Variants in GCLC observed in about 807,000 individuals in gnomAD.
GCLC encodes the protein glutamate--cysteine ligase catalytic subunit.
In GCLC, 30 loss-of-function variants were observed where a neutral mutation model predicts 81.5. The ratio of observed to expected loss-of-function variants is 0.37; its 90% CI spans 0.28 to 0.50. The LOEUF (loss-of-function observed/expected upper bound fraction) is 0.50. Ranked by LOEUF, GCLC falls within the 20% of genes least tolerant of loss-of-function variation. The pLI is 0.96. For synonymous variants in GCLC, 262 were observed against 273.3 expected (o/e 0.96, Z 0.41); for missense variants, 556 against 777.4 (o/e 0.72, Z 3.39).
rs988613715 is a variant in GCLC, at chr6:53,498,220, A to T, written c.*536T>A. ...AGTGATTATTCCAATTGCAAAAGAA[A>T]CATCATAGATAAGGTGCTAGAAACC... On this transcript the variant is annotated 3_prime_UTR_variant, in exon 16 of 16. Transcript: ENST00000650454. The T allele has an allele frequency of 1.9e-5, 3 of 154,752 alleles. No homozygotes were observed. Among genetic ancestry groups the T allele is most frequent in the Non-Finnish European group, 4.3e-5 (3 of 69,558 alleles). 9.6% of individuals were successfully genotyped at this position (154,752 alleles called of 1,614,324 possible).
chr6:53,498,159 T>A lies in GCLC; in HGVS notation c.*597A>T, dbSNP rs1297042763. ...AACAGCCATCAGAGTTCAATGGGTA[T>A]TTATTCAGAGGGGAAAGCTTGGGGC... On this transcript the variant is annotated 3_prime_UTR_variant, in exon 16 of 16. Transcript: ENST00000650454. The A allele has an allele frequency of 6.6e-6, 1 of 152,640 alleles. No homozygotes were observed. Among genetic ancestry groups the A allele is most frequent in the African/African-American group, 2.4e-5 (1 of 41,102 alleles). The allele number at this position is 152,640 out of a possible 1,614,324, so 9.5% of individuals were successfully genotyped here. A position where few individuals can be genotyped will look rare whatever the true frequency, so the allele number is the denominator to read the frequency against.
intron 3 of GCLC, among the ~76,000 whole-genome samples, chr6:53,520,227 A>T (rs1762967207): frequency 6.6e-6 from 1 of 152,220 alleles, no homozygotes; most frequent in Non-Finnish European, 1.5e-5. Flanking sequence ...GACAAACCCT[A>T]AATCTTCTTT....
In GCLC at chr6:53,516,092, C is replaced by T; in HGVS notation, c.560+17G>A. ...CTAGTGAAGGGCATCTGCATTTCAACACAAAGCCATACTCACCTGAAGCGA... is the reference window on the plus strand; with the variant it reads ...CTAGTGAAGGGCATCTGCATTTCAATACAAAGCCATACTCACCTGAAGCGA... On this transcript the variant is annotated intron_variant, in intron 4 of 15. Coordinates refer to ENST00000650454, the MANE Select transcript of GCLC (RefSeq NM_001498.4). 2.1e-6 allele frequency: 3 copies of T among 1,437,272 alleles called. No individual in the cohort carries two copies. The highest frequency in any genetic ancestry group is 1.7e-4 in the Middle Eastern group (1 of 5,762). 89.0% of individuals were successfully genotyped at this position (1,437,272 alleles called of 1,614,324 possible).
intron 1 of GCLC, among the ~76,000 whole-genome samples, chr6:53,533,572 G>T (rs62416866): frequency 9.0e-6 from 1 of 110,526 alleles, no homozygotes; most frequent in Non-Finnish European, 1.7e-5. Flanking sequence ...AAGGTTGCAG[G>T]GGGAATGAAT....
intron 4 of GCLC, among the ~76,000 whole-genome samples, chr6:53,515,706 A>G (rs930152015): frequency 2.0e-5 from 3 of 152,062 alleles, no homozygotes; most frequent in Admixed American, 1.3e-4. Flanking sequence ...CACCTATTTT[A>G]TAAGTTATAT....
Position 53,500,476 on chromosome 6 carries a change from G to A in GCLC, c.1433C>T (p.Ala478Val), listed in dbSNP as rs761668743. The change falls in exon 13 of 16, where the codon GCT becomes GTT. Residue 478 changes from alanine to valine, a missense_variant. Coordinates refer to ENST00000650454, the MANE Select transcript of GCLC (RefSeq NM_001498.4). ...ENMKVAQKRD[A>V]VLQGMFYFRK... is the part of the protein sequence containing the mutation. ...GAAATAAAACATTCCCTGCAAGACA[G>A]CATCTCTTTTCTGTGCTACCTTCAT... 2 of 1,611,908 alleles carry A rather than the reference G, an allele frequency of 1.2e-6. No homozygotes were observed. The highest frequency in any genetic ancestry group is 1.1e-5 in the South Asian group (1 of 91,028).
At chr6:53,500,195 C>T (rs1764480195) in intron 14 of GCLC, 30 bp from the exon 15 acceptor site, 1 of 1,613,938 alleles carries the variant, frequency 6.2e-7, no homozygotes, top group East Asian at 2.2e-5. Flanking sequence ...TTATGAACTC[C>T]CTGCCGGGGG....
intron 6 of GCLC, chr6:53,510,481 C>A (rs1382165893): frequency 6.7e-6 from 1 of 149,910 alleles, no homozygotes; most frequent in Non-Finnish European, 1.5e-5. Context: ...TTTTCCAAGA[C>A]GGTAGAAGGG....
chr6:53,544,737 G>A lies in GCLC; in HGVS notation c.-92C>T, dbSNP rs1433590331. 12 of 1,296,394 alleles carry A rather than the reference G, an allele frequency of 9.3e-6. No homozygotes were observed. The highest frequency in any genetic ancestry group is 1.2e-5 in the Non-Finnish European group (12 of 962,714). 80.3% of individuals were successfully genotyped at this position (1,296,394 alleles called of 1,614,324 possible). ...GGACACTCAGCCGCCCGCAGAAGGC[G>A]GCTGCCGCTCCACCCCGCGGGGGCG... is the stretch of plus-strand genomic sequence containing the variant. On this transcript the variant is annotated 5_prime_UTR_variant, in exon 1 of 16. Coordinates refer to ENST00000650454, the MANE Select transcript of GCLC (RefSeq NM_001498.4).
At chr6:53,508,802 G>A in intron 7 of GCLC, 91 bp from the exon 8 acceptor site, 2 of 837,514 alleles carry the variant, frequency 2.4e-6, no homozygotes, top group Non-Finnish European at 4.1e-6. Context: ...TGATCAAAAA[G>A]CATGTTTATG....
intron 12 of GCLC, among the ~76,000 whole-genome samples, chr6:53,504,196 A>T (rs12215838): frequency 3.4e-5 from 5 of 147,750 alleles, no homozygotes; most frequent in Non-Finnish European, 5.9e-5. Flanking sequence ...AGTATTTTTT[A>T]AAAAATAGTA....
chr6:53,507,069 T>A, intron 9 of GCLC, 44 bp from the exon 10 acceptor site: 1 of 1,024,704 alleles, frequency 9.8e-7, no homozygotes, highest in Non-Finnish European at 1.6e-6. Context: ...AAGCGAGAGA[T>A]ACCACTTCCT....
chr6:53,507,376 C>A (rs1305733826), intron 9 of GCLC, 104 bp downstream of exon 9: 14 of 1,063,170 alleles, frequency 1.3e-5, no homozygotes, highest in Non-Finnish European at 1.9e-5. Flanking sequence ...AAAGACTTTG[C>A]ACTAAAAATA....
intron 2 of GCLC, 46 bp from the exon 3 acceptor site, chr6:53,521,006 G>C (rs1374373346): frequency 1.4e-6 from 2 of 1,480,842 alleles, no homozygotes; most frequent in Admixed American, 1.7e-5. Flanking sequence ...TTTTGCTATA[G>C]TCTGCTCAAT....
intron 1 of GCLC, among the ~76,000 whole-genome samples, chr6:53,535,623 C>T (rs986815495): frequency 6.6e-6 from 1 of 152,150 alleles, no homozygotes; most frequent in East Asian, 1.9e-4. Flanking sequence ...ATATAGAGAA[C>T]GCTCAAAACT....
At position 53,544,765 on chromosome 6, in the gene GCLC, CTCGGGCCG is replaced by C; in HGVS notation, c.-128_-121del. On this transcript the variant is annotated 5_prime_UTR_variant, in exon 1 of 16. Coordinates refer to ENST00000650454, the MANE Select transcript of GCLC (RefSeq NM_001498.4). ...TGCCGCTCCACCCCGCGGGGGCGCTCTCGGGCCGCAGTCGGCGGAGGGAGGGTCCTGCC... is the reference window on the plus strand; with the variant it reads ...TGCCGCTCCACCCCGCGGGGGCGCTCCAGTCGGCGGAGGGAGGGTCCTGCC... 1 of 1,009,958 alleles carries C rather than the reference CTCGGGCCG, an allele frequency of 9.9e-7. No homozygotes were observed. Among genetic ancestry groups the C allele is most frequent in the Non-Finnish European group, 1.4e-6 (1 of 724,282 alleles). 62.6% of individuals were successfully genotyped at this position (1,009,958 alleles called of 1,614,324 possible).
At chr6:53,519,680 G>C (rs980848974) in intron 3 of GCLC, among the ~76,000 whole-genome samples, 3 of 152,074 alleles carry the variant, frequency 2.0e-5, no homozygotes, top group Admixed American at 6.5e-5. Flanking sequence ...ACATTAGGTC[G>C]AAGAAATGTG....
At chr6:53,520,042 G>A (rs1762959907) in intron 3 of GCLC, among the ~76,000 whole-genome samples, 1 of 152,124 alleles carries the variant, frequency 6.6e-6, no homozygotes, top group African/African-American at 2.4e-5. Flanking sequence ...TAAGTATACT[G>A]TCACCATCTG....
intron 1 of GCLC, among the ~76,000 whole-genome samples, chr6:53,530,045 T>C (rs1763146265): frequency 6.6e-6 from 1 of 152,256 alleles, no homozygotes; most frequent in South Asian, 2.1e-4. Flanking sequence ...TTCAGGATTT[T>C]AGTTCCTAGG....
Sources: gnomAD v4.1 joint callset for allele counts (sites outside exome capture counted in the v4.1 genomes callset) on GRCh38, gnomAD v4.1.1 for gene constraint, MANE v1.5 for transcripts, NCBI Gene and HGNC (gene_info 2026-07-23, HGNC 2026-07-21) for gene names.